CYP2J2: variants seen among roughly 807,000 people sequenced by gnomAD.
The protein encoded by CYP2J2 is cytochrome P450 2J2.
Under a neutral mutation model 48.8 loss-of-function variants are expected in CYP2J2, and 41 were observed. The ratio of observed to expected loss-of-function variants is 0.84; its 90% CI spans 0.66 to 1.09. The LOEUF is 1.09. Ranked by LOEUF, CYP2J2 falls within the 50% of genes least tolerant of loss-of-function variation. The pLI, the probability that CYP2J2 is intolerant of heterozygous loss-of-function variation, is 0.00. For missense variants in CYP2J2, 644 were observed against 617.3 expected, an observed-to-expected ratio of 1.04 and a Z score of -0.46; for synonymous variants, 221 against 227.1, an observed-to-expected ratio of 0.97 and a Z score of 0.24.
chr1:59,965,004 C>T, the CYP2J2 span, among the ~76,000 whole-genome samples: 13 of 152,110 alleles, frequency 8.5e-5, no homozygotes, highest in African/African-American at 2.7e-4. Context: ...AAGAATAGGT[C>T]AGACTGAGGA....
intron 1 of CYP2J2, 110 bp from the exon 2 acceptor site, chr1:59,916,210 T>A (rs777192361): frequency 1.2e-6 from 1 of 853,454 alleles, no homozygotes; most frequent in Non-Finnish European, 1.8e-6. Flanking sequence ...CGTGTGTCTG[T>A]GTCTGTGTGT....
chr1:59,907,336 T>A lies in CYP2J2; in HGVS notation c.1003+450A>T, dbSNP rs553980435. ...GCAAAGAAAGTGACGTGTCACTTAG[T>A]GAGGCCACCATGGAGGGTAGGTGCG... is the stretch of plus-strand genomic sequence containing the variant. On this transcript the variant is annotated intron_variant, in intron 6 of 8. Transcript: ENST00000371204. 1.4e-4 allele frequency among the ~76,000 whole-genome samples: 21 copies of A among 152,268 alleles called. No homozygotes were observed. The South Asian group carries it at 3.7e-3, about 27-fold the overall frequency.
At chr1:59,906,058 C>T (rs193115210) in intron 6 of CYP2J2, among the ~76,000 whole-genome samples, 22 of 152,158 alleles carry the variant, frequency 1.4e-4, no homozygotes, top group African/African-American at 4.8e-4. Flanking sequence ...TGGTGGCGGG[C>T]GCCTGTAGTC....
At position 59,926,519 on chromosome 1, in the gene CYP2J2, A is replaced by G; in HGVS notation, c.210+18T>C. On this transcript the variant is annotated intron_variant, in intron 1 of 8. Coordinates refer to ENST00000371204, the MANE Select transcript of CYP2J2 (RefSeq NM_000775.4). Reference sequence around the variant, plus strand: ...GAGTTAGGGTCAGGACACGCTAGGCACCTTCTCCCACTCCTACCAGCTGAA... The same window carrying G: ...GAGTTAGGGTCAGGACACGCTAGGCGCCTTCTCCCACTCCTACCAGCTGAA... 2.5e-6 allele frequency: 4 copies of G among 1,605,032 alleles called. No homozygotes were observed. The highest frequency in any genetic ancestry group is 3.4e-6 in the Non-Finnish European group (4 of 1,171,760).
At position 59,926,580 on chromosome 1, in the gene CYP2J2, A is replaced by C. The variant is rs1644566697; in HGVS notation, c.167T>G (p.Phe56Cys). Residue 56 changes from phenylalanine (F) to cysteine (C), a missense_variant, in exon 1 of 9, where the codon TTC becomes TGC. Phe to Cys is a radical substitution (Grantham distance 205). Transcript: ENST00000371204. The part of the protein sequence containing the change: ...GPWRLPFLGN[F>C]FLVDFEQSHL... Reference sequence around the variant, plus strand: ...CGACTGCTCGAAGTCCACAAGGAAGAAGTTGCCAAGGAAGGGCAGGCGCCA... The same window carrying C: ...CGACTGCTCGAAGTCCACAAGGAAGCAGTTGCCAAGGAAGGGCAGGCGCCA... 1 of 1,614,100 alleles carries C rather than the reference A, an allele frequency of 6.2e-7. No homozygotes were observed. Among genetic ancestry groups the C allele is most frequent in the Admixed American group, 1.7e-5 (1 of 60,008 alleles).
chr1:59,915,694 C>T (rs1169645677), intron 2 of CYP2J2, among the ~76,000 whole-genome samples: 1 of 152,124 alleles, frequency 6.6e-6, no homozygotes, highest in Non-Finnish European at 1.5e-5. Context: ...ATAAAAGCAT[C>T]CAGAGTAGGT....
At chr1:59,916,853 A>C (rs199738774) in intron 1 of CYP2J2, among the ~76,000 whole-genome samples, 2 of 152,224 alleles carry the variant, frequency 1.3e-5, no homozygotes, top group East Asian at 3.9e-4. Context: ...CCACTTAAGA[A>C]GGCTGAGACA....
the CYP2J2 span, among the ~76,000 whole-genome samples, chr1:59,943,583 T>C: frequency 6.6e-6 from 1 of 152,174 alleles, no homozygotes; most frequent in Non-Finnish European, 1.5e-5. Flanking sequence ...CAGTCAATTT[T>C]AGCAAGTTCG....
At chr1:59,901,990 G>A (rs143900422) in intron 7 of CYP2J2, among the ~76,000 whole-genome samples, 1 of 152,190 alleles carries the variant, frequency 6.6e-6, no homozygotes, top group African/African-American at 2.4e-5. Flanking sequence ...CTCTTCACCT[G>A]GTCCTGGTCT....
chr1:59,913,537 G>A (rs1644437786), intron 2 of CYP2J2, among the ~76,000 whole-genome samples: 1 of 152,092 alleles, frequency 6.6e-6, no homozygotes, highest in Admixed American at 6.5e-5. Flanking sequence ...TCTTCTAAGT[G>A]TTCCTTCTTT....
At chr1:59,923,803 C>T (rs536735859) in intron 1 of CYP2J2, among the ~76,000 whole-genome samples, 49 of 152,186 alleles carry the variant, frequency 3.2e-4, no homozygotes, top group Non-Finnish European at 5.7e-4. Flanking sequence ...TTCAAGAACT[C>T]GTGGCACAAC....
the CYP2J2 span, among the ~76,000 whole-genome samples, chr1:59,933,580 G>T: frequency 5.2e-4 from 79 of 152,164 alleles, no homozygotes; most frequent in Middle Eastern, 6.8e-3. Context: ...TTTTTGGGGG[G>T]TGGTGTGTGG....
chr1:59,912,658 T>C (rs1224783176), intron 2 of CYP2J2: 1 of 198,192 alleles, frequency 5.0e-6, no homozygotes, highest in Non-Finnish European at 1.0e-5. Flanking sequence ...TCACAGTAAG[T>C]AAGCAACTAA....
the CYP2J2 span, among the ~76,000 whole-genome samples, chr1:59,968,776 C>G: frequency 1.3e-5 from 2 of 152,202 alleles, no homozygotes; most frequent in African/African-American, 4.8e-5. Flanking sequence ...TGTGCCTCTC[C>G]GAGCTGCTCC....
intron 5 of CYP2J2, 37 bp from the exon 6 acceptor site, chr1:59,907,964 A>G: frequency 4.4e-6 from 7 of 1,603,354 alleles, no homozygotes; most frequent in Non-Finnish European, 6.0e-6. Context: ...TTATTGGTTT[A>G]TTCAGAGGAT....
chr1:59,909,745 C>CTCTAA (rs762599132), intron 5 of CYP2J2, 39 bp downstream of exon 5: 11 of 1,496,478 alleles, frequency 7.4e-6, no homozygotes, highest in Non-Finnish European at 9.0e-6. Flanking sequence ...TCTATTTGTG[C>CTCTAA]TCTAAGAACA....
At chr1:59,958,665 CAT>C in the CYP2J2 span, among the ~76,000 whole-genome samples, 1 of 152,066 alleles carries the variant, frequency 6.6e-6, no homozygotes. Flanking sequence ...TTTTTTTCCA[CAT>C]GTCCTCTTTT....
At chr1:59,925,765 C>T (rs1644558391) in intron 1 of CYP2J2, among the ~76,000 whole-genome samples, 2 of 152,172 alleles carry the variant, frequency 1.3e-5, no homozygotes, top group African/African-American at 2.4e-5. Flanking sequence ...TTGTTATGTA[C>T]CAACTATATG....
intron 8 of CYP2J2, among the ~76,000 whole-genome samples, chr1:59,895,792 A>G (rs1644263885): frequency 6.6e-6 from 1 of 152,202 alleles, no homozygotes; most frequent in Non-Finnish European, 1.5e-5. Context: ...TGACCATATT[A>G]TTAATTGCTG....
Sources: gnomAD v4.1 joint callset for allele counts (sites outside exome capture counted in the v4.1 genomes callset) on GRCh38, gnomAD v4.1.1 for gene constraint, MANE v1.5 for transcripts, NCBI Gene and HGNC (gene_info 2026-07-23, HGNC 2026-07-21) for gene names.